Variants in MAGI1 observed in about 807,000 individuals in gnomAD.
MAGI1 encodes the protein membrane-associated guanylate kinase, WW and PDZ domain-containing protein 1.
In MAGI1, 58 loss-of-function variants were observed where a neutral mutation model predicts 139.9. The observed-to-expected ratio is 0.41, with a 90% confidence interval of 0.34 to 0.52. The LOEUF (loss-of-function observed/expected upper bound fraction) is 0.52, where lower values mean the gene tolerates loss of function less well. Among genes scored for constraint, MAGI1 ranks in the 20% least tolerant of loss-of-function variants. MAGI1 has a pLI of 0.12. For synonymous variants in MAGI1, 812 were observed against 737.9 expected (o/e 1.10, Z -1.63); for missense variants, 1,874 against 1,901.6 (o/e 0.99, Z 0.27).
chr3:65,919,577 GAAAAAACAAACAAAC>G (rs1354823888), intron 1 of MAGI1, among the ~76,000 whole-genome samples: 41 of 148,940 alleles, frequency 2.8e-4, no homozygotes, highest in African/African-American at 1.0e-3. Context: ...AAAACAAAAA[GAAAAAACAAACAAAC>G]AAAAAAGAAA....
intron 1 of MAGI1, among the ~76,000 whole-genome samples, chr3:65,921,438 A>G (rs2062180028): frequency 6.6e-6 from 1 of 151,758 alleles, no homozygotes. Context: ...CCTCCCGAGT[A>G]GCTGGGACTA....
intron 1 of MAGI1, among the ~76,000 whole-genome samples, chr3:65,639,710 A>C (rs958718527): frequency 3.3e-5 from 5 of 152,104 alleles, no homozygotes; most frequent in African/African-American, 1.2e-4. Flanking sequence ...CAAATAAAAG[A>C]ATTACTTTCC....
intron 2 of MAGI1, among the ~76,000 whole-genome samples, chr3:65,540,685 G>C (rs1441884538): frequency 2.6e-5 from 4 of 152,212 alleles, no homozygotes; most frequent in Non-Finnish European, 5.9e-5. Context: ...TGCTAAGAAA[G>C]AGGTAATGAT....
At chr3:65,621,855 G>A in intron 2 of MAGI1, 117 bp downstream of exon 2, 1 of 685,916 alleles carries the variant, frequency 1.5e-6, no homozygotes, top group Non-Finnish European at 2.5e-6. Flanking sequence ...GAGTCACTCA[G>A]TAGGCCAACC....
At chr3:65,747,598 T>C (rs2035808825) in intron 1 of MAGI1, among the ~76,000 whole-genome samples, 1 of 152,248 alleles carries the variant, frequency 6.6e-6, no homozygotes, top group East Asian at 1.9e-4. Flanking sequence ...AGCTCTTTGG[T>C]GTCCTCGAGT....
chr3:65,691,281 C>T (rs1290529156), intron 1 of MAGI1, among the ~76,000 whole-genome samples: 10 of 99,962 alleles, frequency 1.0e-4, no homozygotes, highest in African/African-American at 2.3e-4. Context: ...CCAGCCTGGG[C>T]GACAGAGCAA....
At chr3:65,972,408 A>T (rs1031601250) in intron 1 of MAGI1, among the ~76,000 whole-genome samples, 5 of 152,248 alleles carry the variant, frequency 3.3e-5, no homozygotes, top group Admixed American at 1.3e-4. Flanking sequence ...TCCTATGTCT[A>T]AGACATATGC....
At chr3:65,801,031 G>A (rs751254037) in intron 1 of MAGI1, among the ~76,000 whole-genome samples, 1 of 152,182 alleles carries the variant, frequency 6.6e-6, no homozygotes, top group Non-Finnish European at 1.5e-5. Flanking sequence ...CTTCTCCTCT[G>A]TCACTTTATA....
chr3:65,411,229 C>T (rs1276001500), intron 12 of MAGI1, among the ~76,000 whole-genome samples: 1 of 152,126 alleles, frequency 6.6e-6, no homozygotes, highest in Non-Finnish European at 1.5e-5. Context: ...ATTTAGAAGT[C>T]GGGTCTTGTC....
rs544069050 is a variant in MAGI1, at chr3:65,641,107, T to TAA, written c.314-19021_314-19020dup. Among the ~76,000 whole-genome samples, 519 of 145,074 alleles carry TAA rather than the reference T, an allele frequency of 3.6e-3. 6 individuals are homozygous for TAA. The highest frequency in any genetic ancestry group is 0.012 in the African/African-American group (479 of 39,936). ...TTTTTGCTTTCTAATAAGCCTATATTAAAAAAAAAAAAGTAGGTGATGGTG... is the reference window on the plus strand; with the variant it reads ...TTTTTGCTTTCTAATAAGCCTATATTAAAAAAAAAAAAAAGTAGGTGATGGTG... On this transcript the variant is annotated intron_variant, in intron 1 of 22. Coordinates refer to ENST00000402939, the MANE Select transcript of MAGI1 (RefSeq NM_001033057.2).
intron 2 of MAGI1, among the ~76,000 whole-genome samples, chr3:65,555,098 G>A (rs1323568692): frequency 2.0e-5 from 3 of 152,134 alleles, no homozygotes; most frequent in South Asian, 4.1e-4. Context: ...ATGGGAACAC[G>A]CCATACAATT....
chr3:66,030,297 C>T (rs1268250887), intron 1 of MAGI1, among the ~76,000 whole-genome samples: 1 of 152,168 alleles, frequency 6.6e-6, no homozygotes, highest in East Asian at 1.9e-4. Context: ...TCAGGGACTT[C>T]TATATATCTA....
At chr3:65,981,267 C>T (rs1470720061) in intron 1 of MAGI1, among the ~76,000 whole-genome samples, 1 of 152,158 alleles carries the variant, frequency 6.6e-6, no homozygotes, top group African/African-American at 2.4e-5. Context: ...TATTGGATAG[C>T]TCCACTGTAG....
At chr3:65,806,246 T>G (rs945650507) in intron 1 of MAGI1, among the ~76,000 whole-genome samples, 1 of 152,058 alleles carries the variant, frequency 6.6e-6, no homozygotes, top group East Asian at 1.9e-4. Context: ...CTGGCCAACA[T>G]GATGAAACCC....
In MAGI1 at chr3:66,038,654, G is replaced by T. The variant is rs1392522086; in HGVS notation, c.-346C>A. The T allele has an allele frequency of 8.7e-6, 2 of 230,546 alleles. No homozygotes were observed. The highest frequency in any genetic ancestry group is 1.7e-5 in the Non-Finnish European group (2 of 120,246). 14.3% of individuals were successfully genotyped at this position (230,546 alleles called of 1,614,324 possible). A position where few individuals can be genotyped will look rare whatever the true frequency, so the allele number is the denominator to read the frequency against. Reference sequence around the variant, plus strand: ...TTTTTCCTTCCTTCCTTTCTCTCTTGCCTTTTACAAATGCGGTGCCTCCTC... The same window carrying T: ...TTTTTCCTTCCTTCCTTTCTCTCTTTCCTTTTACAAATGCGGTGCCTCCTC... On this transcript the variant is annotated 5_prime_UTR_variant, in exon 1 of 23. Transcript: ENST00000402939.
At chr3:65,402,331 T>C (rs1944963391) in intron 12 of MAGI1, among the ~76,000 whole-genome samples, 1 of 152,170 alleles carries the variant, frequency 6.6e-6, no homozygotes, top group South Asian at 2.1e-4. Flanking sequence ...GTGGGAGGGC[T>C]GGAGCTGGAA....
At chr3:65,633,941 C>T (rs900892166) in intron 1 of MAGI1, among the ~76,000 whole-genome samples, 3 of 152,164 alleles carry the variant, frequency 2.0e-5, no homozygotes, top group African/African-American at 7.2e-5. Context: ...TGAGAATATT[C>T]TAAATTCTTG....
chr3:65,432,038 C>T (rs1947495504), intron 10 of MAGI1, among the ~76,000 whole-genome samples: 1 of 151,992 alleles, frequency 6.6e-6, no homozygotes, highest in African/African-American at 2.4e-5. Flanking sequence ...AGAGGTATCG[C>T]TAAATTATTT....
intron 1 of MAGI1, among the ~76,000 whole-genome samples, chr3:65,625,263 A>C (rs1206139852): frequency 1.3e-5 from 2 of 152,226 alleles, no homozygotes; most frequent in Non-Finnish European, 2.9e-5. Context: ...AGTATGTTTT[A>C]TTATATGTAA....
Sources: allele counts gnomAD v4.1 joint callset (sites outside exome capture counted in the v4.1 genomes callset), GRCh38; gene constraint gnomAD v4.1.1; transcripts MANE v1.5; gene names NCBI Gene and HGNC (gene_info 2026-07-23, HGNC 2026-07-21).